SIX1: variants seen among roughly 807,000 people sequenced by gnomAD.
SIX1 encodes homeobox protein SIX1.
A neutral mutation model predicts 26.5 loss-of-function variants in SIX1; 11 were observed. The observed-to-expected ratio is 0.41, with a 90% confidence interval of 0.26 to 0.69. SIX1 has a LOEUF of 0.69. SIX1 is among the 30% of genes least tolerant of loss of function. The pLI is 0.28. For missense variants in SIX1, 333 were observed against 365.9 expected (o/e 0.91, Z 0.73); for synonymous variants, 177 against 166.2 (o/e 1.06, Z -0.50).
rs1217540380 is a variant in SIX1, at chr14:60,643,667, G to A, written c.*2616C>T. 3 of 152,110 alleles carry A rather than the reference G, an allele frequency of 2.0e-5. No individual in the cohort carries two copies. Among genetic ancestry groups the A allele is most frequent in the Non-Finnish European group, 4.4e-5 (3 of 68,032 alleles). 9.4% of individuals were successfully genotyped at this position (152,110 alleles called of 1,614,324 possible). A position where few individuals can be genotyped will look rare whatever the true frequency, so the allele number is the denominator to read the frequency against. Reference sequence around the variant, plus strand: ...GTTAGTTTCCCCTAATGATCTCTCTGAAATGATTGCCAAAAAAACTCAAAG... The same window carrying A: ...GTTAGTTTCCCCTAATGATCTCTCTAAAATGATTGCCAAAAAAACTCAAAG... On this transcript the variant is annotated 3_prime_UTR_variant, in exon 2 of 2. Transcript: ENST00000645694.
Position 60,648,992 on chromosome 14 carries a change from G to A in SIX1, c.198C>T (p.Leu66=). ...VAFHRGNFRE[L]YKILESHQFS... ...ACTGGTGGCTCTCCAGGATCTTGTA[G>A]AGCTCACGGAAGTTGCCGCGGTGGA... Residue 66 remains leucine, a synonymous_variant, in exon 1 of 2, where the codon CTC becomes CTT. Coordinates refer to ENST00000645694, the MANE Select transcript of SIX1 (RefSeq NM_005982.4). The surrounding 1 kb of genome is among the most constrained non-coding windows in gnomAD (Gnocchi z 7.9). 1 of 1,614,190 alleles carries A rather than the reference G, an allele frequency of 6.2e-7. No homozygotes were observed. The highest frequency in any genetic ancestry group is 8.5e-7 in the Non-Finnish European group (1 of 1,180,028).
At position 60,646,229 on chromosome 14, in the gene SIX1, C is replaced by A; in HGVS notation, c.*54G>T. ...ATTTCTATTTACAAGTGTCCCTAGT[C>A]GCTGCAGTGGTTGCTGCTCCAGGAA... On this transcript the variant is annotated 3_prime_UTR_variant, in exon 2 of 2. Transcript: ENST00000645694. The A allele has an allele frequency of 6.4e-7, 1 of 1,552,708 alleles. No individual in the cohort carries two copies.
chr14:60,646,712 A>G (rs1894950125), intron 1 of SIX1, 135 bp from the exon 2 acceptor site: 1 of 772,874 alleles, frequency 1.3e-6, no homozygotes, highest in Non-Finnish European at 2.1e-6. Context: ...CACCAACCCA[A>G]ATGGAGGAGC....
chr14:60,646,609 A>T (rs1894947730), intron 1 of SIX1, 32 bp from the exon 2 acceptor site: 2 of 37,218 alleles, frequency 5.4e-5, no homozygotes, highest in Non-Finnish European at 8.8e-5. Flanking sequence ...CATATGGTTA[A>T]AAAAAAAAAA....
Position 60,646,017 on chromosome 14 carries a change from GTTTTT to G in SIX1, c.*261_*265del, listed in dbSNP as rs112733948. ...TGCCTGGGTGCTTTTGTTTGTTTGG[GTTTTT>G]TTTTTTTTTTTTCCCTGATCTCTGC... On this transcript the variant is annotated 3_prime_UTR_variant, in exon 2 of 2. Coordinates refer to ENST00000645694, the MANE Select transcript of SIX1 (RefSeq NM_005982.4). The G allele has an allele frequency of 8.8e-5, 17 of 193,570 alleles. No individual in the cohort carries two copies. The highest frequency in any genetic ancestry group is 1.2e-4 in the Non-Finnish European group (12 of 101,974). 12.0% of individuals were successfully genotyped at this position (193,570 alleles called of 1,614,324 possible).
At position 60,645,820 on chromosome 14, in the gene SIX1, T is replaced by A. The variant is rs1260235992; in HGVS notation, c.*463A>T. 2.0e-5 allele frequency: 3 copies of A among 152,780 alleles called. No homozygotes were observed. The highest frequency in any genetic ancestry group is 7.2e-5 in the African/African-American group (3 of 41,492). 9.5% of individuals were successfully genotyped at this position (152,780 alleles called of 1,614,324 possible). On this transcript the variant is annotated 3_prime_UTR_variant, in exon 2 of 2. Coordinates refer to ENST00000645694, the MANE Select transcript of SIX1 (RefSeq NM_005982.4). The surrounding 1 kb of genome is among the most constrained non-coding windows in gnomAD (Gnocchi z 4.6). ...TGAGCCTGGAGGCTCTTATTTTCAC[T>A]ATTTTTATCTCCCTTTCTCTTTCTC...
Position 60,645,369 on chromosome 14 carries a change from T to G in SIX1, c.*914A>C, listed in dbSNP as rs1383479634. On this transcript the variant is annotated 3_prime_UTR_variant, in exon 2 of 2. Coordinates refer to ENST00000645694, the MANE Select transcript of SIX1 (RefSeq NM_005982.4). This position sits in a 1 kb window ranked among gnomAD's most constrained non-coding sequence, Gnocchi z 4.6. ...AGTAACAAATACCAGGTTGCCAGAT[T>G]CGTTGGCATACCTTTGCAAACTAGA... 3 of 152,188 alleles carry G rather than the reference T, an allele frequency of 2.0e-5. No individual in the cohort carries two copies. Among genetic ancestry groups the G allele is most frequent in the African/African-American group, 4.8e-5 (2 of 41,448 alleles). The allele number at this position is 152,188 out of a possible 1,614,324, so 9.4% of individuals were successfully genotyped here. A position where few individuals can be genotyped will look rare whatever the true frequency, so the allele number is the denominator to read the frequency against.
In SIX1 at chr14:60,643,953, A is replaced by G. The variant is rs1894899234; in HGVS notation, c.*2330T>C. The G allele has an allele frequency of 6.6e-6, 1 of 152,196 alleles. No individual in the cohort carries two copies. Among genetic ancestry groups the G allele is most frequent in the Non-Finnish European group, 1.5e-5 (1 of 68,040 alleles). The allele number at this position is 152,196 out of a possible 1,614,324, so 9.4% of individuals were successfully genotyped here. A position where few individuals can be genotyped will look rare whatever the true frequency, so the allele number is the denominator to read the frequency against. ...CGCCGGATCTGCAGACATTTCCAAG[A>G]TTCACCAACTAAGGGAGCAGGAAGT... On this transcript the variant is annotated 3_prime_UTR_variant, in exon 2 of 2. Transcript: ENST00000645694.
At position 60,649,302 on chromosome 14, in the gene SIX1, T is replaced by C. The variant is rs1266976548; in HGVS notation, c.-113A>G. 1.1e-6 allele frequency: 1 copy of C among 933,400 alleles called. No individual in the cohort carries two copies. The highest frequency in any genetic ancestry group is 1.6e-6 in the Non-Finnish European group (1 of 627,428). 57.8% of individuals were successfully genotyped at this position (933,400 alleles called of 1,614,324 possible). ...GCGCGGCTGTTCCTAACCTCCTCCTTAGGCTTTGCAAAGGCGAAAACCGGA... is the reference window on the plus strand; with the variant it reads ...GCGCGGCTGTTCCTAACCTCCTCCTCAGGCTTTGCAAAGGCGAAAACCGGA... On this transcript the variant is annotated 5_prime_UTR_variant, in exon 1 of 2. Transcript: ENST00000645694. The surrounding 1 kb of genome is among the most constrained non-coding windows in gnomAD (Gnocchi z 5.1).
intron 1 of SIX1, 89 bp from the exon 2 acceptor site, chr14:60,646,666 G>C: frequency 2.8e-3 from 2,461 of 890,138 alleles, no homozygotes; most frequent in Non-Finnish European, 3.6e-3. Flanking sequence ...GGAGGGAGGG[G>C]AGCTGGAAGG....
rs765979685 is a variant in SIX1 at position 60,646,436 on chromosome 14, CAGCAGA to C, written c.696_701del (p.Leu233_Leu234del). The C allele has an allele frequency of 6.2e-7, 1 of 1,613,858 alleles. No individual in the cohort carries two copies. The highest frequency in any genetic ancestry group is 1.3e-5 in the African/African-American group (1 of 74,862). On this transcript the variant is annotated inframe_deletion, in exon 2 of 2. Transcript: ENST00000645694. ...TCCTGGCGTGGCCCATATTGCCCTG[CAGCAGA>C]AGGACCGAGTTCTGGTCTGGACTTT...
Position 60,644,427 on chromosome 14 carries a change from T to C in SIX1, c.*1856A>G, listed in dbSNP as rs1174385465. The C allele has an allele frequency of 6.6e-6, 1 of 152,168 alleles. No individual in the cohort carries two copies. Among genetic ancestry groups the C allele is most frequent in the Non-Finnish European group, 1.5e-5 (1 of 68,048 alleles). 9.4% of individuals were successfully genotyped at this position (152,168 alleles called of 1,614,324 possible). ...CATCACTGAGGGGGAAAAACGACTT[T>C]ATAAGTAAAAGTGTGTACAGTTAAG... is the stretch of plus-strand genomic sequence containing the variant. On this transcript the variant is annotated 3_prime_UTR_variant, in exon 2 of 2. Coordinates refer to ENST00000645694, the MANE Select transcript of SIX1 (RefSeq NM_005982.4).
Position 60,649,251 on chromosome 14 carries a change from AG to A in SIX1, c.-63del. ...GCGGCAGGGAGCAGAGCCGAGAGGC[AG>A]GGGGCGGCGGCCGCAGGGAGGGGGG... On this transcript the variant is annotated 5_prime_UTR_variant, in exon 1 of 2. Transcript: ENST00000645694. The surrounding 1 kb of genome is among the most constrained non-coding windows in gnomAD (Gnocchi z 5.1). The A allele has an allele frequency of 1.3e-6, 2 of 1,509,236 alleles. No homozygotes were observed. The highest frequency in any genetic ancestry group is 1.8e-6 in the Non-Finnish European group (2 of 1,114,796). 93.5% of individuals were successfully genotyped at this position (1,509,236 alleles called of 1,614,324 possible).
Position 60,649,123 on chromosome 14 carries a change from G to T in SIX1, c.67C>A (p.Gln23Lys). 1 of 1,613,182 alleles carries T rather than the reference G, an allele frequency of 6.2e-7. No individual in the cohort carries two copies. The change falls in exon 1 of 2, where the codon CAA (glutamine) becomes AAA (lysine). Residue 23 changes from glutamine (Q) to lysine (K), a missense_variant. Gln to Lys is a moderately conservative substitution (Grantham distance 53). Around this residue, in one of 3 missense-constraint regions of SIX1, gnomAD observed 133 missense variants for 131.8 expected, o/e 1.01. Coordinates refer to ENST00000645694, the MANE Select transcript of SIX1 (RefSeq NM_005982.4). The surrounding 1 kb of genome is among the most constrained non-coding windows in gnomAD (Gnocchi z 5.1). ...QVACVCEVLQ[Q>K]GGNLERLGRF... ...CCCAGGCGCTCCAGGTTTCCGCCTTGCTGCAGAACCTCGCACACGCACGCC... is the reference window on the plus strand; with the variant it reads ...CCCAGGCGCTCCAGGTTTCCGCCTTTCTGCAGAACCTCGCACACGCACGCC...
chr14:60,649,050 T>C lies in SIX1; in HGVS notation c.140A>G (p.Glu47Gly). The C allele has an allele frequency of 6.2e-7, 1 of 1,613,984 alleles. No individual in the cohort carries two copies. Among genetic ancestry groups the C allele is most frequent in the Admixed American group, 1.7e-5 (1 of 60,024 alleles). ...LPACDHLHKN[E>G]SVLKAKAVVA... is the part of the protein sequence containing the mutation. The stretch of plus-strand genomic sequence containing the variant: ...CACCGCCTTGGCCTTGAGTACGCTC[T>C]CGTTCTTGTGCAGGTGGTCGCAGGC... Residue 47 changes from glutamate (E) to glycine (G), a missense_variant, in exon 1 of 2, where the codon GAG becomes GGG. Physicochemically the swap from Glu to Gly is moderately conservative, Grantham distance 98. This residue lies in a region of SIX1 where 133 missense variants were observed against 131.8 expected (regional missense o/e 1.01). Coordinates refer to ENST00000645694, the MANE Select transcript of SIX1 (RefSeq NM_005982.4). This position sits in a 1 kb window ranked among gnomAD's most constrained non-coding sequence, Gnocchi z 5.1.
At position 60,648,561 on chromosome 14, in the gene SIX1, G is replaced by T; in HGVS notation, c.560+69C>A. ...GACTTGGTGGCTGGTGCCTGCGGGG[G>T]CGGGAGGGGGCGGAGGAGAAAGGAC... On this transcript the variant is annotated intron_variant, in intron 1 of 1. Transcript: ENST00000645694. This position sits in a 1 kb window ranked among gnomAD's most constrained non-coding sequence, Gnocchi z 7.9. 1.4e-6 allele frequency: 2 copies of T among 1,469,522 alleles called. No homozygotes were observed. The highest frequency in any genetic ancestry group is 2.0e-5 in the Admixed American group (1 of 50,796). 91.0% of individuals were successfully genotyped at this position (1,469,522 alleles called of 1,614,324 possible).
rs1428898362 is a variant in SIX1 at position 60,648,535 on chromosome 14, G to A, written c.560+95C>T. ...GTGGACGGGCTCCGGCCGGCGGGGA[G>A]GACTTGGTGGCTGGTGCCTGCGGGG... On this transcript the variant is annotated intron_variant, in intron 1 of 1. Transcript: ENST00000645694. The surrounding 1 kb of genome is among the most constrained non-coding windows in gnomAD (Gnocchi z 7.9). 3 of 1,288,966 alleles carry A rather than the reference G, an allele frequency of 2.3e-6. No individual in the cohort carries two copies. Among genetic ancestry groups the A allele is most frequent in the Admixed American group, 2.0e-5 (1 of 49,660 alleles). The allele number at this position is 1,288,966 out of a possible 1,614,324, so 79.8% of individuals were successfully genotyped here.
At position 60,649,012 on chromosome 14, in the gene SIX1, G is replaced by A. The variant is rs1895008880; in HGVS notation, c.178C>T (p.Arg60Cys). The change falls in exon 1 of 2, where the codon CGC becomes TGC. Residue 60 changes from arginine (R) to cysteine (C), a missense_variant. By Grantham distance (180) the Arg-to-Cys change is radical. Around this residue, in one of 3 missense-constraint regions of SIX1, gnomAD observed 133 missense variants for 131.8 expected, o/e 1.01. Transcript: ENST00000645694. This position sits in a 1 kb window ranked among gnomAD's most constrained non-coding sequence, Gnocchi z 5.1. ...LKAKAVVAFH[R>C]GNFRELYKIL... ...TTGTAGAGCTCACGGAAGTTGCCGCGGTGGAAGGCGACCACCGCCTTGGCC... is the reference window on the plus strand; with the variant it reads ...TTGTAGAGCTCACGGAAGTTGCCGCAGTGGAAGGCGACCACCGCCTTGGCC... 4 of 1,613,822 alleles carry A rather than the reference G, an allele frequency of 2.5e-6. No homozygotes were observed. The highest frequency in any genetic ancestry group is 3.4e-6 in the Non-Finnish European group (4 of 1,180,002).
rs921338813 is a variant in SIX1 at position 60,644,128 on chromosome 14, C to T, written c.*2155G>A. The T allele has an allele frequency of 3.9e-5, 6 of 152,180 alleles. No homozygotes were observed. The highest frequency in any genetic ancestry group is 8.8e-5 in the Non-Finnish European group (6 of 68,040). 9.4% of individuals were successfully genotyped at this position (152,180 alleles called of 1,614,324 possible). On this transcript the variant is annotated 3_prime_UTR_variant, in exon 2 of 2. Coordinates refer to ENST00000645694, the MANE Select transcript of SIX1 (RefSeq NM_005982.4). ...CCTTCCTATTTTCCAGAGAGATTTC[C>T]GCAGCGTCCTTTGAAGCCTGTCAGG...
Sources: gnomAD v4.1 joint callset for allele counts on GRCh38, gnomAD v4.1.1 for gene constraint, gnomAD v4.1.1 regional missense constraint, Gnocchi (gnomAD v3.1) non-coding constraint, MANE v1.5 for transcripts, NCBI Gene and HGNC (gene_info 2026-07-23, HGNC 2026-07-21) for gene names.